The following LTBP1 variants were observed in gnomAD, a reference collection of about 807,000 sequenced individuals.
The protein encoded by LTBP1 is latent transforming growth factor beta binding protein 1, also known as latent-transforming growth factor beta-binding protein 1.
In LTBP1, 129 loss-of-function variants were observed where a neutral mutation model predicts 207.6. The ratio of observed to expected loss-of-function variants is 0.62; its 90% CI spans 0.54 to 0.72. The LOEUF (loss-of-function observed/expected upper bound fraction) is 0.72, where lower values mean the gene tolerates loss of function less well. Ranked by LOEUF, LTBP1 falls within the 30% of genes least tolerant of loss-of-function variation. The pLI, the probability that LTBP1 is intolerant of heterozygous loss-of-function variation, is 0.00. For missense variants in LTBP1, 2,281 were observed against 2,217.2 expected (o/e 1.03, Z -0.58); for synonymous variants, 963 against 833.7 (o/e 1.16, Z -2.67).
intron 24 of LTBP1, among the ~76,000 whole-genome samples, chr2:33,336,747 G>A (rs147849030): frequency 7.2e-5 from 11 of 152,248 alleles, no homozygotes; most frequent in Non-Finnish European, 1.5e-4. Context: ...GAAGAAGGAA[G>A]TCAACAAAAT....
chr2:33,398,464 C>G lies in LTBP1; in HGVS notation c.5085C>G (p.Gly1695=), dbSNP rs967469695. The G allele has an allele frequency of 6.2e-7, 1 of 1,614,204 alleles. No individual in the cohort carries two copies. The highest frequency in any genetic ancestry group is 1.7e-5 in the Admixed American group (1 of 60,026). ...CCTACAAGTGTTTGTGTCTGCCAGG[C>G]TACGTGCCTTCTGACAAGCCAAACT... ...DGSYKCLCLP[G]YVPSDKPNYC... The change falls in exon 34 of 34, where the codon GGC becomes GGG. Residue 1695 remains glycine, a synonymous_variant. Coordinates refer to ENST00000404816, the MANE Select transcript of LTBP1 (RefSeq NM_206943.4).
At chr2:33,140,152 T>C (rs1395958867) in intron 5 of LTBP1, among the ~76,000 whole-genome samples, 1 of 152,192 alleles carries the variant, frequency 6.6e-6, no homozygotes, top group Non-Finnish European at 1.5e-5. Context: ...AAAACCGACC[T>C]AATACTGTGG....
chr2:33,055,646 G>A (rs962771792), intron 3 of LTBP1, among the ~76,000 whole-genome samples: 16 of 152,222 alleles, frequency 1.1e-4, no homozygotes, highest in African/African-American at 3.9e-4. Context: ...TGATCTAACA[G>A]TAGCATGACA....
At chr2:33,332,116 A>G (rs74570493) in intron 24 of LTBP1, among the ~76,000 whole-genome samples, 2,198 of 152,206 alleles carry the variant, frequency 0.014, 23 homozygotes, top group East Asian at 0.026. Flanking sequence ...GTACAGTTGT[A>G]TTTCACTCAA....
chr2:33,257,158 T>C, intron 11 of LTBP1, 126 bp from the exon 12 acceptor site: 2 of 688,164 alleles, frequency 2.9e-6, no homozygotes, highest in Non-Finnish European at 4.7e-6. Flanking sequence ...TGCACCTGTT[T>C]TTGAAGTTTT....
chr2:33,079,941 A>G (rs1285580810), intron 3 of LTBP1, among the ~76,000 whole-genome samples: 3 of 60,492 alleles, frequency 5.0e-5, no homozygotes, highest in African/African-American at 9.5e-5. Flanking sequence ...AATGTAGACT[A>G]AAAAACTTTA....
chr2:33,340,934 C>T (rs754948449), intron 24 of LTBP1, among the ~76,000 whole-genome samples: 1 of 152,026 alleles, frequency 6.6e-6, no homozygotes, highest in Non-Finnish European at 1.5e-5. Flanking sequence ...TGCAGTGATA[C>T]AAAAAGTTTA....
intron 24 of LTBP1, among the ~76,000 whole-genome samples, chr2:33,319,908 G>A (rs989948827): frequency 1.3e-5 from 2 of 152,172 alleles, no homozygotes. Flanking sequence ...CTGAAGTATT[G>A]TCTTTTAGAA....
At chr2:33,337,475 C>T (rs749977145) in intron 24 of LTBP1, among the ~76,000 whole-genome samples, 1 of 152,288 alleles carries the variant, frequency 6.6e-6, no homozygotes, top group East Asian at 1.9e-4. Flanking sequence ...GATCGATTCT[C>T]CTTGGTTTGC....
At position 32,996,661 on chromosome 2, in the gene LTBP1, C is replaced by T. The variant is rs561436538; in HGVS notation, c.566-24248C>T. Among the ~76,000 whole-genome samples, 6 of 152,170 alleles carry T rather than the reference C, an allele frequency of 3.9e-5. No individual in the cohort carries two copies. In the East Asian group the frequency reaches 7.8e-4, roughly 20 times the overall value. ...TCACAATAATATCTGCATGGCACTT[C>T]GGAGTTTTCAAGGAACTTGCACAAC... On this transcript the variant is annotated intron_variant, in intron 2 of 33. Coordinates refer to ENST00000404816, the MANE Select transcript of LTBP1 (RefSeq NM_206943.4).
chr2:33,168,178 G>C (rs2085091188), intron 5 of LTBP1, among the ~76,000 whole-genome samples: 1 of 151,952 alleles, frequency 6.6e-6, no homozygotes. Context: ...CCAGGAATTT[G>C]AGACCAGCCT....
chr2:33,354,279 A>G (rs887772355), intron 26 of LTBP1, among the ~76,000 whole-genome samples: 2 of 152,198 alleles, frequency 1.3e-5, no homozygotes, highest in Admixed American at 1.3e-4. Context: ...TAAATTTAAC[A>G]TTGAAAGACT....
chr2:33,069,853 A>C (rs1000272350), intron 3 of LTBP1, among the ~76,000 whole-genome samples: 9 of 152,328 alleles, frequency 5.9e-5, no homozygotes, highest in Non-Finnish European at 1.0e-4. Flanking sequence ...TTAGAATGGA[A>C]GACGGTATTC....
At chr2:33,015,293 A>C (rs1295383532) in intron 2 of LTBP1, among the ~76,000 whole-genome samples, 1 of 152,214 alleles carries the variant, frequency 6.6e-6, no homozygotes, top group African/African-American at 2.4e-5. Context: ...GCTTTGAAGG[A>C]TTGGAGACTG....
At position 33,265,613 on chromosome 2, in the gene LTBP1, T is replaced by C. The variant is rs141879555; in HGVS notation, c.2617+2221T>C. On this transcript the variant is annotated intron_variant, in intron 15 of 33. Transcript: ENST00000404816. ...ATGAAGGATAAAAAACTGAATGATATAGAGTATTATACCAGTTTTTTTAAA... is the reference window on the plus strand; with the variant it reads ...ATGAAGGATAAAAAACTGAATGATACAGAGTATTATACCAGTTTTTTTAAA... Among the ~76,000 whole-genome samples, 112 of 152,304 alleles carry C rather than the reference T, an allele frequency of 7.4e-4. 1 individual carries two copies. The highest frequency in any genetic ancestry group is 2.5e-3 in the African/African-American group (105 of 41,580).
chr2:33,252,188 G>A (rs191532807), intron 10 of LTBP1, among the ~76,000 whole-genome samples: 2 of 152,274 alleles, frequency 1.3e-5, no homozygotes, highest in African/African-American at 2.4e-5. Flanking sequence ...GACCTGATGG[G>A]CCCTGCAAGC....
intron 8 of LTBP1, among the ~76,000 whole-genome samples, chr2:33,219,239 C>T (rs888476705): frequency 6.6e-6 from 1 of 152,090 alleles, no homozygotes; most frequent in Non-Finnish European, 1.5e-5. Context: ...AGGACATTTT[C>T]AGTACTGAGA....
At chr2:33,157,841 A>G (rs78592608) in intron 5 of LTBP1, among the ~76,000 whole-genome samples, 2,312 of 152,232 alleles carry the variant, frequency 0.015, 23 homozygotes, top group East Asian at 0.026. Context: ...TGGAATGACC[A>G]TAGTCAAGAG....
At chr2:33,390,386 A>G (rs1021833109) in intron 32 of LTBP1, among the ~76,000 whole-genome samples, 1 of 152,178 alleles carries the variant, frequency 6.6e-6, no homozygotes, top group Admixed American at 6.5e-5. Context: ...AAATATTAGT[A>G]GATAGTAGAT....
Sources: allele counts gnomAD v4.1 joint callset (sites outside exome capture counted in the v4.1 genomes callset), GRCh38; gene constraint gnomAD v4.1.1; transcripts MANE v1.5; gene names NCBI Gene and HGNC (gene_info 2026-07-23, HGNC 2026-07-21).